Variants in PPP1R14D observed in about 807,000 individuals in gnomAD.
The protein encoded by PPP1R14D is protein phosphatase 1 regulatory subunit 14D.
In PPP1R14D, 14 loss-of-function variants were observed where a neutral mutation model predicts 17.1. The ratio of observed to expected loss-of-function variants is 0.82; its 90% CI spans 0.54 to 1.28. The LOEUF (loss-of-function observed/expected upper bound fraction) is 1.28. Ranked by LOEUF, PPP1R14D falls within the 50% of genes most tolerant of loss-of-function variation. PPP1R14D has a pLI of 0.00. For synonymous variants in PPP1R14D, 67 were observed against 66.1 expected, an observed-to-expected ratio of 1.01 and a Z score of -0.06; for missense variants, 173 against 179.2, an observed-to-expected ratio of 0.97 and a Z score of 0.20.
At chr15:40,820,730 G>A (rs1476054788) in intron 1 of PPP1R14D, among the ~76,000 whole-genome samples, 2 of 151,450 alleles carry the variant, frequency 1.3e-5, no homozygotes, top group East Asian at 2.0e-4. Flanking sequence ...GTGTTCTGAC[G>A]TACACCTGTA....
At chr15:40,822,187 G>GA (rs951262505) in intron 1 of PPP1R14D, among the ~76,000 whole-genome samples, 10 of 151,098 alleles carry the variant, frequency 6.6e-5, no homozygotes, top group African/African-American at 2.4e-4. Flanking sequence ...ACTGAAGAAA[G>GA]AAAAAAAATG....
chr15:40,828,056 A>G (rs1460656127), intron 1 of PPP1R14D, among the ~76,000 whole-genome samples: 1 of 152,202 alleles, frequency 6.6e-6, no homozygotes, highest in Non-Finnish European at 1.5e-5. Context: ...AAAATTTTGA[A>G]ACATAGTGTG....
chr15:40,817,265 G>T, intron 1 of PPP1R14D: 1 of 301,396 alleles, frequency 3.3e-6, no homozygotes, highest in Non-Finnish European at 7.2e-6. Flanking sequence ...GCTGAGGCAG[G>T]AGAATCGATT....
chr15:40,817,186 G>C (rs886454910), intron 1 of PPP1R14D: 7 of 238,714 alleles, frequency 2.9e-5, no homozygotes, highest in South Asian at 1.7e-4. Context: ...GTAAAACCCC[G>C]TCTCTACTGA....
At chr15:40,819,494 G>A (rs1216400519) in intron 1 of PPP1R14D, among the ~76,000 whole-genome samples, 2 of 149,284 alleles carry the variant, frequency 1.3e-5, no homozygotes, top group African/African-American at 2.5e-5. Flanking sequence ...CCAATATCAC[G>A]CCACTGCACT....
chr15:40,820,478 A>G (rs1283493498), intron 1 of PPP1R14D, among the ~76,000 whole-genome samples: 1 of 152,030 alleles, frequency 6.6e-6, no homozygotes, highest in Non-Finnish European at 1.5e-5. Context: ...AAACTTAAAA[A>G]GCAGAGCCAG....
chr15:40,821,102 C>T (rs1220006926), intron 1 of PPP1R14D, among the ~76,000 whole-genome samples: 1 of 151,786 alleles, frequency 6.6e-6, no homozygotes, highest in Admixed American at 6.6e-5. Context: ...CTTCGGAGGC[C>T]GAGGTGGGGA....
At chr15:40,818,288 CAAAA>C (rs764375543) in intron 1 of PPP1R14D, among the ~76,000 whole-genome samples, 1 of 37,124 alleles carries the variant, frequency 2.7e-5, no homozygotes, top group East Asian at 6.7e-4. Flanking sequence ...GACTCCATCT[CAAAA>C]AAAAAAAAAA....
chr15:40,821,569 T>C (rs1202707267), intron 1 of PPP1R14D, among the ~76,000 whole-genome samples: 3 of 152,074 alleles, frequency 2.0e-5, no homozygotes, highest in African/African-American at 7.2e-5. Flanking sequence ...CGATGACCTA[T>C]GGATATCAAG....
At chr15:40,822,302 T>G (rs1215145314) in intron 1 of PPP1R14D, among the ~76,000 whole-genome samples, 1 of 150,630 alleles carries the variant, frequency 6.6e-6, no homozygotes, top group Non-Finnish European at 1.5e-5. Flanking sequence ...CTGGGAAACA[T>G]AGTGAGACCT....
At chr15:40,826,647 G>A (rs1890873785) in intron 1 of PPP1R14D, among the ~76,000 whole-genome samples, 1 of 152,136 alleles carries the variant, frequency 6.6e-6, no homozygotes, top group Non-Finnish European at 1.5e-5. Flanking sequence ...CTCAACATCT[G>A]TAAACCTCCA....
Position 40,815,639 on chromosome 15 carries a change from C to A in PPP1R14D, c.*57G>T. 6.3e-7 allele frequency: 1 copy of A among 1,589,188 alleles called. No homozygotes were observed. The highest frequency in any genetic ancestry group is 8.6e-7 in the Non-Finnish European group (1 of 1,167,608). ...GAGCTATTTCCCTCTTAGCCAGGAT[C>A]TGGAGTTTCAGGGCAGGCCTGGCAG... On this transcript the variant is annotated 3_prime_UTR_variant, in exon 4 of 4. Transcript: ENST00000299174.
intron 1 of PPP1R14D, among the ~76,000 whole-genome samples, chr15:40,825,337 G>A (rs1265256738): frequency 6.6e-6 from 1 of 151,682 alleles, no homozygotes; most frequent in African/African-American, 2.4e-5. Flanking sequence ...GTAACAAAAG[G>A]GGTGCATGTT....
intron 1 of PPP1R14D, among the ~76,000 whole-genome samples, chr15:40,821,667 C>T (rs1890779236): frequency 6.6e-6 from 1 of 152,100 alleles, no homozygotes; most frequent in Admixed American, 6.5e-5. Context: ...GTGGCTCATG[C>T]CTGTAATCCC....
intron 1 of PPP1R14D, among the ~76,000 whole-genome samples, chr15:40,821,311 G>A (rs749731687): frequency 2.0e-5 from 3 of 151,978 alleles, no homozygotes; most frequent in African/African-American, 7.3e-5. Flanking sequence ...CTCCTGCCTG[G>A]GTGACAGAGT....
chr15:40,821,654 G>T (rs867530653), intron 1 of PPP1R14D, among the ~76,000 whole-genome samples: 1 of 152,146 alleles, frequency 6.6e-6, no homozygotes, highest in Non-Finnish European at 1.5e-5. Context: ...TAGGCCAGGC[G>T]TGGTGGCTCA....
chr15:40,815,530 C>T lies in PPP1R14D; in HGVS notation c.*166G>A. On this transcript the variant is annotated 3_prime_UTR_variant, in exon 4 of 4. Coordinates refer to ENST00000299174, the MANE Select transcript of PPP1R14D (RefSeq NM_017726.8). ...GCCAGCTTTCTCCCAGAGAGCCCAG[C>T]TGACAGAAACTAGCTGTGACCACAC... is the stretch of plus-strand genomic sequence containing the variant. 3 of 879,034 alleles carry T rather than the reference C, an allele frequency of 3.4e-6. No homozygotes were observed. Among genetic ancestry groups the T allele is most frequent in the Non-Finnish European group, 5.1e-6 (3 of 589,858 alleles). 54.5% of individuals were successfully genotyped at this position (879,034 alleles called of 1,614,324 possible). A position where few individuals can be genotyped will look rare whatever the true frequency, so the allele number is the denominator to read the frequency against.
chr15:40,823,389 G>A (rs563365644), intron 1 of PPP1R14D, among the ~76,000 whole-genome samples: 2 of 152,158 alleles, frequency 1.3e-5, no homozygotes, highest in East Asian at 1.9e-4. Flanking sequence ...TTACAGTTAT[G>A]AGCCACTGTA....
chr15:40,827,070 C>T (rs1387425910), intron 1 of PPP1R14D, among the ~76,000 whole-genome samples: 1 of 152,216 alleles, frequency 6.6e-6, no homozygotes, highest in Non-Finnish European at 1.5e-5. Context: ...TCAAAGATTG[C>T]TTAGGTCCTG....
Sources: allele counts gnomAD v4.1 joint callset (sites outside exome capture counted in the v4.1 genomes callset), GRCh38; gene constraint gnomAD v4.1.1; transcripts MANE v1.5; gene names NCBI Gene and HGNC (gene_info 2026-07-23, HGNC 2026-07-21).